EVX2: variants seen among roughly 807,000 people sequenced by gnomAD.
EVX2 encodes even-skipped homeobox 2.
EVX2 carries 10 observed loss-of-function variants against 19.2 expected under a neutral mutation model. That is an observed-to-expected ratio of 0.52 (90% CI 0.32 to 0.89). The LOEUF is 0.89. EVX2 is among the 40% of genes least tolerant of loss of function. EVX2 has a pLI of 0.03. For synonymous variants in EVX2, 354 were observed against 328.4 expected, an observed-to-expected ratio of 1.08 and a Z score of -0.84; for missense variants, 710 against 694.9, an observed-to-expected ratio of 1.02 and a Z score of -0.24.
At position 176,080,647 on chromosome 2, in the gene EVX2, G is replaced by A. The variant is rs1559102690; in HGVS notation, c.891C>T (p.Ala297=). ...YPHVGVTAAA[A]AAAASGAAAA... is the part of the protein sequence containing the mutation. ...CCGCCGCGCCTGAGGCTGCAGCCGC[G>A]GCCGCCGCCGCCGTGACGCCCACGT... Residue 297 remains alanine, a synonymous_variant, in exon 3 of 3, where the codon GCC becomes GCT. Transcript: ENST00000308618. The surrounding 1 kb of genome is among the most constrained non-coding windows in gnomAD (Gnocchi z 7.0). 2 of 1,562,564 alleles carry A rather than the reference G, an allele frequency of 1.3e-6. No individual in the cohort carries two copies. The highest frequency in any genetic ancestry group is 1.1e-5 in the South Asian group (1 of 87,548).
rs1316391388 is a variant in EVX2, at chr2:176,081,231, A to T, written c.700-393T>A. On this transcript the variant is annotated intron_variant, in intron 2 of 2. Coordinates refer to ENST00000308618, the MANE Select transcript of EVX2 (RefSeq NM_001080458.2). The surrounding 1 kb of genome is among the most constrained non-coding windows in gnomAD (Gnocchi z 5.9). ...CGGGGATTCTGGGCAGCCTTTGAAG[A>T]GAGGCTGCCGCTCAGCTTTTCTGAG... is the stretch of plus-strand genomic sequence containing the variant. 1.3e-5 allele frequency among the ~76,000 whole-genome samples: 2 copies of T among 152,150 alleles called. No individual in the cohort carries two copies. The highest frequency in any genetic ancestry group is 4.8e-5 in the African/African-American group (2 of 41,432).
Position 176,079,898 on chromosome 2 carries a change from G to A in EVX2, c.*209C>T. 1 of 462,594 alleles carries A rather than the reference G, an allele frequency of 2.2e-6. No homozygotes were observed. The highest frequency in any genetic ancestry group is 3.6e-6 in the Non-Finnish European group (1 of 277,968). 28.7% of individuals were successfully genotyped at this position (462,594 alleles called of 1,614,324 possible). A position where few individuals can be genotyped will look rare whatever the true frequency, so the allele number is the denominator to read the frequency against. ...CGGCTGGGTGGCAAATACAAAAATA[G>A]AAATAATTTAGGGGGATGCCCGCCA... On this transcript the variant is annotated 3_prime_UTR_variant, in exon 3 of 3. Transcript: ENST00000308618. The surrounding 1 kb of genome is among the most constrained non-coding windows in gnomAD (Gnocchi z 4.4).
At position 176,082,421 on chromosome 2, in the gene EVX2, G is replaced by A; in HGVS notation, c.456C>T (p.Gly152=). ...CTGAGCCCGACGCCGACGTCGTGGT[G>A]CCGGCAGCCGAGCCGCTCTCTGCGT... ...KGYAESGSAA[G]TTTSASGSGL... is the part of the protein sequence containing the mutation. The change falls in exon 2 of 3, where the codon GGC becomes GGT. Residue 152 remains glycine, a synonymous_variant. Coordinates refer to ENST00000308618, the MANE Select transcript of EVX2 (RefSeq NM_001080458.2). This position sits in a 1 kb window ranked among gnomAD's most constrained non-coding sequence, Gnocchi z 5.2. 6.4e-7 allele frequency: 1 copy of A among 1,566,352 alleles called. No individual in the cohort carries two copies. The highest frequency in any genetic ancestry group is 1.2e-5 in the South Asian group (1 of 83,436).
Position 176,082,069 on chromosome 2 carries a change from C to A in EVX2, c.699+109G>T. The stretch of plus-strand genomic sequence containing the variant: ...TTTGGTGACTACCCCCCGCGGATTT[C>A]CAGACCCTTAGCTAAATCTAGCCAC... On this transcript the variant is annotated intron_variant, in intron 2 of 2. Coordinates refer to ENST00000308618, the MANE Select transcript of EVX2 (RefSeq NM_001080458.2). The surrounding 1 kb of genome is among the most constrained non-coding windows in gnomAD (Gnocchi z 5.2). The A allele has an allele frequency of 4.7e-6, 6 of 1,268,828 alleles. No homozygotes were observed. The highest frequency in any genetic ancestry group is 5.2e-6 in the Non-Finnish European group (5 of 955,708). 78.6% of individuals were successfully genotyped at this position (1,268,828 alleles called of 1,614,324 possible).
In EVX2 at chr2:176,079,416, G is replaced by A. The variant is rs779767340; in HGVS notation, c.*691C>T. The stretch of plus-strand genomic sequence containing the variant: ...CCAGCACCTCGGCTTTGTCCTTCCC[G>A]GGGAAGGCGGCCACATCCCTACCCG... On this transcript the variant is annotated 3_prime_UTR_variant, in exon 3 of 3. Coordinates refer to ENST00000308618, the MANE Select transcript of EVX2 (RefSeq NM_001080458.2). The surrounding 1 kb of genome is among the most constrained non-coding windows in gnomAD (Gnocchi z 4.4). 8 of 152,168 alleles carry A rather than the reference G, an allele frequency of 5.3e-5. No individual in the cohort carries two copies. Among genetic ancestry groups the A allele is most frequent in the Non-Finnish European group, 7.3e-5 (5 of 68,050 alleles). 9.4% of individuals were successfully genotyped at this position (152,168 alleles called of 1,614,324 possible). A position where few individuals can be genotyped will look rare whatever the true frequency, so the allele number is the denominator to read the frequency against.
Position 176,081,264 on chromosome 2 carries a change from C to T in EVX2, c.700-426G>A, listed in dbSNP as rs908962604. On this transcript the variant is annotated intron_variant, in intron 2 of 2. Transcript: ENST00000308618. The surrounding 1 kb of genome is among the most constrained non-coding windows in gnomAD (Gnocchi z 5.9). ...CCGCTCAGCTTTTCTGAGAGGTCGC[C>T]GCGCGAAGTCTTGAGCCCTCCGAAC... Among the ~76,000 whole-genome samples the T allele has an allele frequency of 1.3e-5, 2 of 152,176 alleles. No individual in the cohort carries two copies. Among genetic ancestry groups the T allele is most frequent in the African/African-American group, 2.4e-5 (1 of 41,456 alleles).
rs1021082774 is a variant in EVX2 at position 176,077,689 on chromosome 2, G to C, written c.*2418C>G. The C allele has an allele frequency of 4.3e-4, 66 of 152,078 alleles. No homozygotes were observed. The highest frequency in any genetic ancestry group is 1.4e-3 in the African/African-American group (58 of 41,426). 9.4% of individuals were successfully genotyped at this position (152,078 alleles called of 1,614,324 possible). On this transcript the variant is annotated 3_prime_UTR_variant, in exon 3 of 3. Coordinates refer to ENST00000308618, the MANE Select transcript of EVX2 (RefSeq NM_001080458.2). ...GAATTTATGTTAATTTTACCAACCAGCGTTCTCATCAATCATATATATTTT... is the reference window on the plus strand; with the variant it reads ...GAATTTATGTTAATTTTACCAACCACCGTTCTCATCAATCATATATATTTT...
chr2:176,079,982 GCCCCGGGGCGCC>G lies in EVX2; in HGVS notation c.*113_*124del. ...GAGCAGGTTCCCTTCGGCCTCCCGC[GCCCCGGGGCGCC>G]CCCTGGCGGCAGCGGCAGCAGCGGG... On this transcript the variant is annotated 3_prime_UTR_variant, in exon 3 of 3. Transcript: ENST00000308618. The surrounding 1 kb of genome is among the most constrained non-coding windows in gnomAD (Gnocchi z 4.4). 8.9e-7 allele frequency: 1 copy of G among 1,120,386 alleles called. No individual in the cohort carries two copies. The highest frequency in any genetic ancestry group is 1.1e-6 in the Non-Finnish European group (1 of 870,836). The allele number at this position is 1,120,386 out of a possible 1,614,324, so 69.4% of individuals were successfully genotyped here.
chr2:176,083,318 A>G lies in EVX2; in HGVS notation c.427+32T>C. ...GCCGCGGAGGAGCAAAGAGGATGGGACTGGAGAGCGCGGTGCGGCCGGCGC... is the reference window on the plus strand; with the variant it reads ...GCCGCGGAGGAGCAAAGAGGATGGGGCTGGAGAGCGCGGTGCGGCCGGCGC... On this transcript the variant is annotated intron_variant, in intron 1 of 2. Transcript: ENST00000308618. The surrounding 1 kb of genome is among the most constrained non-coding windows in gnomAD (Gnocchi z 4.4). 1 of 1,547,740 alleles carries G rather than the reference A, an allele frequency of 6.5e-7. No individual in the cohort carries two copies. The highest frequency in any genetic ancestry group is 8.7e-7 in the Non-Finnish European group (1 of 1,144,582).
chr2:176,083,471 C>T lies in EVX2; in HGVS notation c.306G>A (p.Pro102=), dbSNP rs140560927. ...ISSAAESRKK[P]GHYSEAAAEA... Reference sequence around the variant, plus strand: ...CAGCGGCCGCCTCTGAATAATGGCCCGGCTTCTTGCGGCTCTCGGCGGCGG... The same window carrying T: ...CAGCGGCCGCCTCTGAATAATGGCCTGGCTTCTTGCGGCTCTCGGCGGCGG... The change falls in exon 1 of 3, where the codon CCG becomes CCA. Residue 102 remains proline, a synonymous_variant. Transcript: ENST00000308618. The surrounding 1 kb of genome is among the most constrained non-coding windows in gnomAD (Gnocchi z 4.4). 3.1e-6 allele frequency: 5 copies of T among 1,614,048 alleles called. No individual in the cohort carries two copies. The highest frequency in any genetic ancestry group is 2.7e-5 in the African/African-American group (2 of 74,954).
chr2:176,082,130 C>T lies in EVX2; in HGVS notation c.699+48G>A. 1.3e-6 allele frequency: 2 copies of T among 1,492,870 alleles called. No individual in the cohort carries two copies. The highest frequency in any genetic ancestry group is 1.8e-6 in the Non-Finnish European group (2 of 1,124,774). The allele number at this position is 1,492,870 out of a possible 1,614,324, so 92.5% of individuals were successfully genotyped here. ...GAAAGGGGAAAAAGAAACAATCAAC[C>T]CAGATGCCCCCGGGGAGGCCAGAGC... On this transcript the variant is annotated intron_variant, in intron 2 of 2. Transcript: ENST00000308618. The surrounding 1 kb of genome is among the most constrained non-coding windows in gnomAD (Gnocchi z 5.2).
At position 176,083,927 on chromosome 2, in the gene EVX2, C is replaced by G; in HGVS notation, c.-151G>C. 2 of 667,924 alleles carry G rather than the reference C, an allele frequency of 3.0e-6. No individual in the cohort carries two copies. Among genetic ancestry groups the G allele is most frequent in the Non-Finnish European group, 5.0e-6 (2 of 396,808 alleles). 41.4% of individuals were successfully genotyped at this position (667,924 alleles called of 1,614,324 possible). A position where few individuals can be genotyped will look rare whatever the true frequency, so the allele number is the denominator to read the frequency against. ...GCGGAAAAATTGTGGGATGCCAGAG[C>G]GAGGGAATGACTGGTCAAAATGACC... On this transcript the variant is annotated 5_prime_UTR_variant, in exon 1 of 3. Transcript: ENST00000308618. This position sits in a 1 kb window ranked among gnomAD's most constrained non-coding sequence, Gnocchi z 4.4.
In EVX2 at chr2:176,080,483, C is replaced by A; in HGVS notation, c.1055G>T (p.Gly352Val). ...GLYQAPAAAA[G>V]LNSAASAAAA... Reference sequence around the variant, plus strand: ...CGCGGCAGAGGCCGCGCTGTTGAGCCCCGCGGCGGCCGCGGGAGCCTGGTA... The same window carrying A: ...CGCGGCAGAGGCCGCGCTGTTGAGCACCGCGGCGGCCGCGGGAGCCTGGTA... Residue 352 changes from glycine (G) to valine (V), a missense_variant, in exon 3 of 3, where the codon GGG becomes GTG. Gly to Val is a moderately radical substitution (Grantham distance 109). Transcript: ENST00000308618. The surrounding 1 kb of genome is among the most constrained non-coding windows in gnomAD (Gnocchi z 7.0). 1.5e-6 allele frequency: 2 copies of A among 1,334,632 alleles called. No individual in the cohort carries two copies. Among genetic ancestry groups the A allele is most frequent in the Non-Finnish European group, 1.9e-6 (2 of 1,047,788 alleles). 82.7% of individuals were successfully genotyped at this position (1,334,632 alleles called of 1,614,324 possible). A position where few individuals can be genotyped will look rare whatever the true frequency, so the allele number is the denominator to read the frequency against.
chr2:176,081,682 C>CT lies in EVX2; in HGVS notation c.699+495dup, dbSNP rs1189317026. ...GCATTTTTCCCCGCAGGAGGTTGCCCTTTTTTCGTTGCCCAAGAGGAAAAT... is the reference window on the plus strand; with the variant it reads ...GCATTTTTCCCCGCAGGAGGTTGCCCTTTTTTTCGTTGCCCAAGAGGAAAAT... On this transcript the variant is annotated intron_variant, in intron 2 of 2. Transcript: ENST00000308618. The surrounding 1 kb of genome is among the most constrained non-coding windows in gnomAD (Gnocchi z 5.9). Among the ~76,000 whole-genome samples the CT allele has an allele frequency of 2.0e-5, 3 of 152,268 alleles. No homozygotes were observed. In the East Asian group the frequency reaches 5.8e-4, roughly 29 times the overall value.
rs996918204 is a variant in EVX2 at position 176,078,171 on chromosome 2, A to G, written c.*1936T>C. 2.6e-5 allele frequency: 4 copies of G among 152,244 alleles called. No homozygotes were observed. Among genetic ancestry groups the G allele is most frequent in the Admixed American group, 6.5e-5 (1 of 15,286 alleles). 9.4% of individuals were successfully genotyped at this position (152,244 alleles called of 1,614,324 possible). ...AAAATCCAGTGTCTTTAAAATAACA[A>G]TATGATGGCAGGACACAAATCTGAA... On this transcript the variant is annotated 3_prime_UTR_variant, in exon 3 of 3. Transcript: ENST00000308618.
chr2:176,079,241 C>G lies in EVX2; in HGVS notation c.*866G>C, dbSNP rs970565205. 2.0e-5 allele frequency: 3 copies of G among 152,292 alleles called. No homozygotes were observed. Among genetic ancestry groups the G allele is most frequent in the Non-Finnish European group, 4.4e-5 (3 of 68,052 alleles). The allele number at this position is 152,292 out of a possible 1,614,324, so 9.4% of individuals were successfully genotyped here. On this transcript the variant is annotated 3_prime_UTR_variant, in exon 3 of 3. Coordinates refer to ENST00000308618, the MANE Select transcript of EVX2 (RefSeq NM_001080458.2). The surrounding 1 kb of genome is among the most constrained non-coding windows in gnomAD (Gnocchi z 4.4). ...GTCTTACCCCTACCCCAACTCCCTT[C>G]CTTTCCCTTCCCTGGCCGTGGCAAC...
Position 176,083,456 on chromosome 2 carries a change from C to T in EVX2, c.321G>A (p.Glu107=). ...TGCTCATGTCGGCCTCAGCGGCCGCCTCTGAATAATGGCCCGGCTTCTTGC... is the reference window on the plus strand; with the variant it reads ...TGCTCATGTCGGCCTCAGCGGCCGCTTCTGAATAATGGCCCGGCTTCTTGC... The part of the protein sequence containing the change: ...ESRKKPGHYS[E]AAAEADMSSD... Residue 107 remains glutamate, a synonymous_variant, in exon 1 of 3, where the codon GAG becomes GAA. Transcript: ENST00000308618. This position sits in a 1 kb window ranked among gnomAD's most constrained non-coding sequence, Gnocchi z 4.4. 6.2e-7 allele frequency: 1 copy of T among 1,614,142 alleles called. No homozygotes were observed.
rs1487888126 is a variant in EVX2 at position 176,081,446 on chromosome 2, A to G, written c.700-608T>C. Among the ~76,000 whole-genome samples the G allele has an allele frequency of 6.6e-6, 1 of 152,176 alleles. No individual in the cohort carries two copies. The highest frequency in any genetic ancestry group is 1.5e-5 in the Non-Finnish European group (1 of 68,034). On this transcript the variant is annotated intron_variant, in intron 2 of 2. Coordinates refer to ENST00000308618, the MANE Select transcript of EVX2 (RefSeq NM_001080458.2). This position sits in a 1 kb window ranked among gnomAD's most constrained non-coding sequence, Gnocchi z 5.9. The stretch of plus-strand genomic sequence containing the variant: ...CCCAACACTATCTAATAAAGACATC[A>G]TTCGTCACAACTCTAAATTAAAGAA...
Position 176,080,320 on chromosome 2 carries a change from G to GGCAGCTGCTGCCGCGGCTGCC in EVX2, c.1197_1217dup (p.Ala402_Ala408dup), listed in dbSNP as rs1689119783. 1 of 1,304,186 alleles carries GGCAGCTGCTGCCGCGGCTGCC rather than the reference G, an allele frequency of 7.7e-7. No individual in the cohort carries two copies. The highest frequency in any genetic ancestry group is 1.6e-5 in the African/African-American group (1 of 64,342). 80.8% of individuals were successfully genotyped at this position (1,304,186 alleles called of 1,614,324 possible). Reference sequence around the variant, plus strand: ...CGCCACCCCGGGAACCCAGGGCTGCGGCAGCTGCTGCCGCGGCTGCCGCCG... The same window carrying GGCAGCTGCTGCCGCGGCTGCC: ...CGCCACCCCGGGAACCCAGGGCTGCGGCAGCTGCTGCCGCGGCTGCCGCAGCTGCTGCCGCGGCTGCCGCCG... On this transcript the variant is annotated inframe_insertion, in exon 3 of 3. Coordinates refer to ENST00000308618, the MANE Select transcript of EVX2 (RefSeq NM_001080458.2). The surrounding 1 kb of genome is among the most constrained non-coding windows in gnomAD (Gnocchi z 7.0).
Sources: allele counts gnomAD v4.1 joint callset (sites outside exome capture counted in the v4.1 genomes callset), GRCh38; gene constraint gnomAD v4.1.1; non-coding constraint Gnocchi (gnomAD v3.1); transcripts MANE v1.5; gene names NCBI Gene and HGNC (gene_info 2026-07-23, HGNC 2026-07-21).